The following SPATA6 variants were observed in gnomAD, a reference collection of about 807,000 sequenced individuals.
SPATA6 encodes the protein spermatogenesis associated 6, also known as spermatogenesis-associated protein 6.
In SPATA6, 56 loss-of-function variants were observed where a neutral mutation model predicts 65.3. The observed-to-expected ratio is 0.86, with a 90% CI of 0.69 to 1.07. The LOEUF is 1.07. Ranked by LOEUF, SPATA6 falls within the 50% of genes least tolerant of loss-of-function variation. SPATA6 has a pLI of 0.00. For synonymous variants in SPATA6, 199 were observed against 213.2 expected, an observed-to-expected ratio of 0.93 and a Z score of 0.58; for missense variants, 590 against 594.8, an observed-to-expected ratio of 0.99 and a Z score of 0.08.
intron 6 of SPATA6, chr1:48,400,671 A>G: frequency 1.5e-6 from 1 of 671,310 alleles, no homozygotes; most frequent in Non-Finnish European, 2.2e-6. Context: ...AGGATGAAGA[A>G]GAGTCAAATT....
Position 48,435,956 on chromosome 1 carries a change from A to G in SPATA6, c.238+15596T>C, listed in dbSNP as rs1570569881. ...ATTTTTGTCACTTTCTGTGTGAACT[A>G]AAGTGATTCAATGTCTCTTTTGGAT... On this transcript the variant is annotated intron_variant, in intron 3 of 12. Transcript: ENST00000371847. 5.7e-6 allele frequency: 9 copies of G among 1,592,186 alleles called. No homozygotes were observed. In the East Asian group the frequency reaches 1.6e-4, roughly 28 times the overall value.
intron 8 of SPATA6, among the ~76,000 whole-genome samples, chr1:48,389,542 T>C (rs1649834228): frequency 6.6e-6 from 1 of 151,870 alleles, no homozygotes; most frequent in South Asian, 2.1e-4. Context: ...AAGTGACTAA[T>C]CACCTATAAA....
At chr1:48,313,347 T>C (rs533097143) in intron 11 of SPATA6, among the ~76,000 whole-genome samples, 54 of 152,310 alleles carry the variant, frequency 3.5e-4, no homozygotes, top group African/African-American at 1.1e-3. Context: ...GCTGATCTCT[T>C]GGCAGAAACT....
chr1:48,371,370 C>G (rs942336213), intron 9 of SPATA6, among the ~76,000 whole-genome samples: 3 of 152,094 alleles, frequency 2.0e-5, no homozygotes, highest in African/African-American at 7.2e-5. Context: ...TGATAGCTAA[C>G]AAAACCTTAC....
At chr1:48,405,971 A>G (rs1651664352) in intron 5 of SPATA6, among the ~76,000 whole-genome samples, 1 of 152,110 alleles carries the variant, frequency 6.6e-6, no homozygotes, top group Admixed American at 6.6e-5. Flanking sequence ...GCATCTAAAT[A>G]AAATCCTGGT....
intron 11 of SPATA6, among the ~76,000 whole-genome samples, chr1:48,322,756 T>C (rs1043600028): frequency 3.3e-5 from 5 of 151,964 alleles, no homozygotes; most frequent in African/African-American, 9.7e-5. Flanking sequence ...AAAAAATGGG[T>C]GAAGGATATG....
At chr1:48,443,681 G>A (rs561820328) in intron 3 of SPATA6, among the ~76,000 whole-genome samples, 30 of 152,244 alleles carry the variant, frequency 2.0e-4, no homozygotes, top group Admixed American at 9.8e-4. Context: ...GATGCCACCC[G>A]GCGTTTACAG....
intron 3 of SPATA6, among the ~76,000 whole-genome samples, chr1:48,433,335 T>C (rs1016881782): frequency 6.6e-6 from 1 of 152,134 alleles, no homozygotes; most frequent in African/African-American, 2.4e-5. Flanking sequence ...AGAAAGACTA[T>C]AAATTATTTA....
rs1658309974 is a variant in SPATA6, at chr1:48,472,061, C to T, written c.-53G>A. 3 of 589,508 alleles carry T rather than the reference C, an allele frequency of 5.1e-6. No homozygotes were observed. The African/African-American group carries it at 6.2e-5, about 12-fold the overall frequency. The allele number at this position is 589,508 out of a possible 1,614,324, so 36.5% of individuals were successfully genotyped here. A position where few individuals can be genotyped will look rare whatever the true frequency, so the allele number is the denominator to read the frequency against. ...ACCCCGGCCACGGGCCCGAGTGAGG[C>T]GGGGAGACCTGGGGCTGGGCGGGGA... is the stretch of plus-strand genomic sequence containing the variant. On this transcript the variant is annotated 5_prime_UTR_variant, in exon 1 of 13. Coordinates refer to ENST00000371847, the MANE Select transcript of SPATA6 (RefSeq NM_019073.4).
At chr1:48,315,869 A>C (rs1377503852) in intron 11 of SPATA6, among the ~76,000 whole-genome samples, 3 of 152,312 alleles carry the variant, frequency 2.0e-5, no homozygotes. Context: ...AATGTGAAAA[A>C]ATCACAAGGA....
intron 9 of SPATA6, among the ~76,000 whole-genome samples, chr1:48,375,849 A>G (rs1018644200): frequency 1.3e-5 from 2 of 152,154 alleles, no homozygotes; most frequent in African/African-American, 4.8e-5. Flanking sequence ...TGCAATGGCA[A>G]CTTTGGATAA....
chr1:48,368,176 G>A (rs1271644088), intron 9 of SPATA6, among the ~76,000 whole-genome samples: 2 of 152,198 alleles, frequency 1.3e-5, no homozygotes, highest in Non-Finnish European at 2.9e-5. Context: ...CTGTTAGTCT[G>A]ATGGGCTTCC....
intron 3 of SPATA6, among the ~76,000 whole-genome samples, chr1:48,428,252 C>T (rs1027234694): frequency 3.3e-5 from 5 of 152,072 alleles, no homozygotes; most frequent in Admixed American, 6.5e-5. Context: ...GTCAGGAATT[C>T]GAGACCAGCC....
At chr1:48,416,702 C>T (rs1231203097) in intron 3 of SPATA6, among the ~76,000 whole-genome samples, 3 of 152,022 alleles carry the variant, frequency 2.0e-5, no homozygotes, top group African/African-American at 4.8e-5. Context: ...TAAAACCTGA[C>T]AAGGACCTTA....
intron 11 of SPATA6, among the ~76,000 whole-genome samples, chr1:48,314,795 C>T (rs1402739571): frequency 1.3e-5 from 2 of 151,998 alleles, no homozygotes; most frequent in Non-Finnish European, 1.5e-5. Context: ...AGACCGCTAG[C>T]AACACTAATA....
intron 9 of SPATA6, among the ~76,000 whole-genome samples, chr1:48,365,795 T>G (rs1646987340): frequency 6.6e-6 from 1 of 152,182 alleles, no homozygotes. Flanking sequence ...TTCCTTCTCC[T>G]GCCTAATTGC....
chr1:48,427,195 T>C (rs1368331952), intron 3 of SPATA6, among the ~76,000 whole-genome samples: 1 of 152,108 alleles, frequency 6.6e-6, no homozygotes. Context: ...CCCAAAGTGC[T>C]GGGATTATAT....
chr1:48,412,744 G>A (rs1057153319), intron 4 of SPATA6, among the ~76,000 whole-genome samples: 4 of 151,898 alleles, frequency 2.6e-5, no homozygotes, highest in East Asian at 1.9e-4. Context: ...TCAGCCTCCC[G>A]AGTAGTTGGG....
At chr1:48,367,851 G>A (rs1647078998) in intron 9 of SPATA6, among the ~76,000 whole-genome samples, 2 of 152,166 alleles carry the variant, frequency 1.3e-5, no homozygotes, top group Non-Finnish European at 2.9e-5. Flanking sequence ...GATGTTATCT[G>A]GTTATTTTGC....
Sources: allele counts gnomAD v4.1 joint callset (sites outside exome capture counted in the v4.1 genomes callset), GRCh38; gene constraint gnomAD v4.1.1; transcripts MANE v1.5; gene names NCBI Gene and HGNC (gene_info 2026-07-23, HGNC 2026-07-21).